Variants in ZNF726 observed in about 807,000 individuals in gnomAD.
ZNF726 encodes the protein zinc finger protein 92 pseudogene 3.
In ZNF726, 15 loss-of-function variants were observed where a neutral mutation model predicts 11.6. The observed-to-expected ratio is 1.29, with a 90% CI of 0.86 to 1.99. The LOEUF (loss-of-function observed/expected upper bound fraction) is 1.99. Among genes scored for constraint, ZNF726 ranks in the 30% most tolerant of loss-of-function variants. The pLI is 0.00. For missense variants in ZNF726, 890 were observed against 725.6 expected (o/e 1.23, Z -2.60); for synonymous variants, 295 against 243.6 (o/e 1.21, Z -1.96).
intron 1 of ZNF726, among the ~76,000 whole-genome samples, chr19:23,916,046 A>G (rs1013490498): frequency 6.6e-6 from 1 of 152,152 alleles, no homozygotes; most frequent in African/African-American, 2.4e-5. Flanking sequence ...TAGAAGTAGA[A>G]ATCCAGGGAC....
downstream of ZNF726, among the ~76,000 whole-genome samples, chr19:23,938,398 G>A (rs920820725): frequency 6.6e-6 from 1 of 151,826 alleles, no homozygotes; most frequent in African/African-American, 2.4e-5. Flanking sequence ...ATTTTAAGAA[G>A]GTGTCTAATT....
intron 3 of ZNF726, chr19:23,943,364 T>G (rs1020546165): frequency 1.9e-5 from 8 of 418,504 alleles, no homozygotes; most frequent in Non-Finnish European, 3.0e-5. Flanking sequence ...ATTCTAAAGG[T>G]TCTATCAGAA....
chr19:23,937,273 G>A (rs1175058978), downstream of ZNF726, among the ~76,000 whole-genome samples: 5 of 151,720 alleles, frequency 3.3e-5, no homozygotes, highest in South Asian at 4.2e-4. Flanking sequence ...GCGGCTGGCC[G>A]GGCGGGGGGC....
At chr19:23,915,746 A>AT (rs574826478) in intron 1 of ZNF726, among the ~76,000 whole-genome samples, 49 of 151,592 alleles carry the variant, frequency 3.2e-4, no homozygotes, top group East Asian at 2.5e-3. Flanking sequence ...ACATTTGGCA[A>AT]TTTTTTTTAT....
rs1330237011 is a variant in ZNF726 at position 23,932,347 on chromosome 19, A to G, written c.231A>G (p.Ile77Met). The G allele has an allele frequency of 4.3e-6, 6 of 1,402,188 alleles. No homozygotes were observed. Among genetic ancestry groups the G allele is most frequent in the Non-Finnish European group, 5.6e-6 (6 of 1,076,978 alleles). The allele number at this position is 1,402,188 out of a possible 1,614,324, so 86.9% of individuals were successfully genotyped here. Reference sequence around the variant, plus strand: ...ATTATTTTAATTTTTTTTTAGGTATATGTCCTCATTTTGCTCAAGACATTT... The same window carrying G: ...ATTATTTTAATTTTTTTTTAGGTATGTGTCCTCATTTTGCTCAAGACATTT... ...RDEMVDEPPG[I>M]CPHFAQDIWP... Residue 77 changes from isoleucine (I) to methionine (M), a missense_variant, in exon 4 of 4, where the codon ATA (isoleucine) becomes ATG (methionine). By Grantham distance (10) the Ile-to-Met change is conservative. Coordinates refer to ENST00000594466, the MANE Select transcript of ZNF726 (RefSeq NM_001244038.2).
At chr19:23,921,831 G>T (rs564870243) in intron 3 of ZNF726, among the ~76,000 whole-genome samples, 1 of 152,074 alleles carries the variant, frequency 6.6e-6, no homozygotes, top group Non-Finnish European at 1.5e-5. Flanking sequence ...TTTACTTATT[G>T]GTCTTCAATT....
At chr19:23,929,912 A>G (rs887365943) in intron 3 of ZNF726, among the ~76,000 whole-genome samples, 8 of 152,152 alleles carry the variant, frequency 5.3e-5, no homozygotes, top group Non-Finnish European at 1.0e-4. Flanking sequence ...TATTTTATAT[A>G]TGGTTTTATG....
intron 3 of ZNF726, among the ~76,000 whole-genome samples, chr19:23,924,425 A>C (rs986592477): frequency 1.3e-5 from 2 of 152,064 alleles, no homozygotes; most frequent in South Asian, 2.1e-4. Context: ...TATTTTCACC[A>C]TGTGTTTAAT....
chr19:23,928,993 T>C (rs1968047019), intron 3 of ZNF726: 1 of 152,028 alleles, frequency 6.6e-6, no homozygotes, highest in African/African-American at 2.4e-5. Flanking sequence ...TGAGACAGTT[T>C]TGCCGCGTTG....
chr19:23,921,874 C>G (rs187716297), intron 3 of ZNF726, among the ~76,000 whole-genome samples: 182 of 152,248 alleles, frequency 1.2e-3, no homozygotes, highest in Non-Finnish European at 1.5e-3. Context: ...TTGACTACTT[C>G]TTAATTCACA....
intron 3 of ZNF726, among the ~76,000 whole-genome samples, chr19:23,940,586 G>A (rs1472532407): frequency 6.6e-6 from 1 of 151,846 alleles, no homozygotes; most frequent in Non-Finnish European, 1.5e-5. Context: ...TAGGCAGTAT[G>A]GTCATTTCCA....
chr19:23,943,338 A>G (rs1219292035), intron 3 of ZNF726, among the ~76,000 whole-genome samples: 2 of 152,258 alleles, frequency 1.3e-5, no homozygotes, highest in Non-Finnish European at 2.9e-5. Flanking sequence ...CCAGAAATGT[A>G]AAATATGTTC....
chr19:23,924,831 G>T (rs1171105260), intron 3 of ZNF726, among the ~76,000 whole-genome samples: 1 of 151,968 alleles, frequency 6.6e-6, no homozygotes, highest in Non-Finnish European at 1.5e-5. Flanking sequence ...GTGTGAGGCT[G>T]CAGTGAGCCA....
At chr19:23,941,184 A>G (rs1332132656) in intron 3 of ZNF726, among the ~76,000 whole-genome samples, 1 of 152,188 alleles carries the variant, frequency 6.6e-6, no homozygotes, top group Non-Finnish European at 1.5e-5. Context: ...AGTTTTAATC[A>G]TAAAGTGATG....
At chr19:23,922,320 T>A (rs2144967027) in intron 3 of ZNF726, among the ~76,000 whole-genome samples, 1 of 152,330 alleles carries the variant, frequency 6.6e-6, no homozygotes, top group Non-Finnish European at 1.5e-5. Flanking sequence ...CCCAGGTCAC[T>A]TTGGATTTCT....
At chr19:23,938,855 C>T (rs1270741864), downstream of ZNF726, among the ~76,000 whole-genome samples, 1 of 152,152 alleles carries the variant, frequency 6.6e-6, no homozygotes, top group African/African-American at 2.4e-5. Flanking sequence ...GATCCACCCA[C>T]ATCAGCCTCC....
chr19:23,938,271 G>C (rs371897921), downstream of ZNF726, among the ~76,000 whole-genome samples: 2 of 152,044 alleles, frequency 1.3e-5, no homozygotes, highest in East Asian at 1.9e-4. Context: ...GGCATATTTT[G>C]ATACAGGCAT....
intron 1 of ZNF726, among the ~76,000 whole-genome samples, 198 bp downstream of exon 1, chr19:23,915,195 C>T (rs1049613506): frequency 6.6e-6 from 1 of 152,186 alleles, no homozygotes; most frequent in Non-Finnish European, 1.5e-5. Context: ...CGTTCTGTCT[C>T]TTCACTGCGC....
At chr19:23,937,324 C>G (rs1372833000), downstream of ZNF726, among the ~76,000 whole-genome samples, 1 of 151,694 alleles carries the variant, frequency 6.6e-6, no homozygotes, top group Non-Finnish European at 1.5e-5. Flanking sequence ...GGCTAGCGGG[C>G]GGAGACCCTC....
Sources: allele counts gnomAD v4.1 joint callset (sites outside exome capture counted in the v4.1 genomes callset), GRCh38; gene constraint gnomAD v4.1.1; transcripts MANE v1.5; gene names NCBI Gene and HGNC (gene_info 2026-07-23, HGNC 2026-07-21).